The following PAFAH1B1 variants were observed in gnomAD, a reference collection of about 807,000 sequenced individuals.
The protein encoded by PAFAH1B1 is platelet-activating factor acetylhydrolase IB subunit beta.
PAFAH1B1 carries 2 observed loss-of-function variants against 57.5 expected under a neutral mutation model. That is an observed-to-expected ratio of 0.03 (90% CI 0.01 to 0.11). The LOEUF is 0.11. Ranked by LOEUF, PAFAH1B1 falls within the 10% of genes least tolerant of loss-of-function variation. The pLI, the probability that PAFAH1B1 is intolerant of heterozygous loss-of-function variation, is 1.00. For synonymous variants in PAFAH1B1, 152 were observed against 169.6 expected (o/e 0.90, Z 0.81); for missense variants, 257 against 512.0 (o/e 0.50, Z 4.81).
At chr17:2,613,389 A>G (rs1316658216) in intron 1 of PAFAH1B1, 2 of 238,406 alleles carry the variant, frequency 8.4e-6, no homozygotes, top group South Asian at 1.1e-4. Context: ...TCATAGGGGG[A>G]GGTGGCTGTC....
intron 1 of PAFAH1B1, chr17:2,613,698 T>A: frequency 3.5e-6 from 1 of 286,262 alleles, no homozygotes; most frequent in Non-Finnish European, 7.1e-6. Context: ...ACATCATCCA[T>A]GGTCCACTTG....
chr17:2,675,449 T>A (rs759427900), intron 8 of PAFAH1B1, among the ~76,000 whole-genome samples: 1 of 152,200 alleles, frequency 6.6e-6, no homozygotes, highest in Non-Finnish European at 1.5e-5. Context: ...TTATTTTGAT[T>A]GGCCCATTGC....
intron 1 of PAFAH1B1, chr17:2,613,918 G>T (rs2068301991): frequency 1.0e-5 from 2 of 192,324 alleles, no homozygotes; most frequent in Non-Finnish European, 2.1e-5. Flanking sequence ...TGATGTGAGG[G>T]GCATTCTGGG....
intron 1 of PAFAH1B1, among the ~76,000 whole-genome samples, chr17:2,599,681 G>T (rs1468656716): frequency 6.6e-6 from 1 of 151,984 alleles, no homozygotes; most frequent in Non-Finnish European, 1.5e-5. Context: ...CGTATACAGA[G>T]ATTTTATATT....
chr17:2,600,407 T>C (rs957236180), intron 1 of PAFAH1B1, among the ~76,000 whole-genome samples: 4 of 151,552 alleles, frequency 2.6e-5, no homozygotes, highest in African/African-American at 9.7e-5. Flanking sequence ...CTGTCTCTAC[T>C]AAAAATACAA....
chr17:2,632,193 T>C (rs966121517), intron 1 of PAFAH1B1, among the ~76,000 whole-genome samples: 2 of 152,234 alleles, frequency 1.3e-5, no homozygotes, highest in African/African-American at 4.8e-5. Context: ...CCTCCCGAAG[T>C]CTTGGGATTT....
chr17:2,638,072 C>CTTTTTTTTT, intron 1 of PAFAH1B1, 27 bp from the exon 2 acceptor site: 6 of 480,930 alleles, frequency 1.2e-5, no homozygotes, highest in East Asian at 3.1e-5. Flanking sequence ...GTGAAATAAT[C>CTTTTTTTTT]TTTTTTTTTC....
rs753347744 is a variant in PAFAH1B1, at chr17:2,644,516, C to T, written c.32+6196C>T. Among the ~76,000 whole-genome samples, 93 of 151,814 alleles carry T rather than the reference C, an allele frequency of 6.1e-4. 1 individual carries two copies. Among genetic ancestry groups the T allele is most frequent in the Non-Finnish European group, 8.1e-4 (55 of 68,012 alleles). On this transcript the variant is annotated intron_variant, in intron 2 of 10. Transcript: ENST00000397195. The stretch of plus-strand genomic sequence containing the variant: ...CGCGATCACACCCTTGTACTTCAGC[C>T]TGGGCAACAAGAGTGAGACTCCATC...
intron 1 of PAFAH1B1, among the ~76,000 whole-genome samples, chr17:2,618,348 C>A (rs184686556): frequency 6.6e-6 from 1 of 152,128 alleles, no homozygotes; most frequent in Non-Finnish European, 1.5e-5. Flanking sequence ...CACGATACTT[C>A]AAGAACATGA....
intron 1 of PAFAH1B1, among the ~76,000 whole-genome samples, chr17:2,634,588 TA>T (rs1260228669): frequency 6.6e-6 from 1 of 152,250 alleles, no homozygotes; most frequent in Non-Finnish European, 1.5e-5. Context: ...TGTCCTAATG[TA>T]GACCTCTGTC....
intron 2 of PAFAH1B1, chr17:2,641,948 A>G (rs2068700875): frequency 6.6e-6 from 1 of 152,136 alleles, no homozygotes; most frequent in South Asian, 2.1e-4. Context: ...TCAGTCTTGT[A>G]TAGTTTTGGT....
intron 5 of PAFAH1B1, among the ~76,000 whole-genome samples, chr17:2,667,656 C>T (rs1382166946): frequency 1.3e-5 from 2 of 151,856 alleles, no homozygotes; most frequent in African/African-American, 4.9e-5. Flanking sequence ...ATTGACAAAA[C>T]TAGTAATTGA....
chr17:2,599,006 C>G (rs966391844), intron 1 of PAFAH1B1, among the ~76,000 whole-genome samples: 5 of 152,072 alleles, frequency 3.3e-5, no homozygotes, highest in Admixed American at 6.6e-5. Context: ...TATTTTATTT[C>G]TTGTTTTCTT....
At chr17:2,594,146 G>GCCT (rs1185826293) in intron 1 of PAFAH1B1, 140 bp downstream of exon 1, 245 of 393,386 alleles carry the variant, frequency 6.2e-4, no homozygotes, top group African/African-American at 4.8e-3. Context: ...CTCCGCCGCC[G>GCCT]CCTCCTCCTT....
At chr17:2,652,370 G>A (rs562035933) in intron 2 of PAFAH1B1, among the ~76,000 whole-genome samples, 59 of 152,190 alleles carry the variant, frequency 3.9e-4, no homozygotes, top group Non-Finnish European at 6.3e-4. Context: ...AGCCAAGATC[G>A]CGCCACTGCA....
intron 5 of PAFAH1B1, 90 bp from the exon 6 acceptor site, chr17:2,670,073 T>C (rs988494557): frequency 1.0e-6 from 1 of 995,772 alleles, no homozygotes; most frequent in East Asian, 2.4e-5. Flanking sequence ...AGTTACTCAG[T>C]AAGGTGCCAG....
chr17:2,645,596 A>AT (rs1555524506), intron 2 of PAFAH1B1, among the ~76,000 whole-genome samples: 1 of 146,562 alleles, frequency 6.8e-6, no homozygotes, highest in Non-Finnish European at 1.5e-5. Flanking sequence ...CTGTCTCAAA[A>AT]ATATATATAT....
At chr17:2,649,935 C>A (rs570059971) in intron 2 of PAFAH1B1, among the ~76,000 whole-genome samples, 2 of 152,068 alleles carry the variant, frequency 1.3e-5, no homozygotes, top group Non-Finnish European at 2.9e-5. Context: ...GTATTAAAAG[C>A]CTTAATGTTG....
chr17:2,632,169 T>A (rs1470863854), intron 1 of PAFAH1B1, among the ~76,000 whole-genome samples: 1 of 152,196 alleles, frequency 6.6e-6, no homozygotes, highest in African/African-American at 2.4e-5. Flanking sequence ...CCTCAAACAA[T>A]CCTCCTGCCT....
Sources: allele counts gnomAD v4.1 joint callset (sites outside exome capture counted in the v4.1 genomes callset), GRCh38; gene constraint gnomAD v4.1.1; transcripts MANE v1.5; gene names NCBI Gene and HGNC (gene_info 2026-07-23, HGNC 2026-07-21).